ASTN2: variants seen among roughly 807,000 people sequenced by gnomAD.
The protein encoded by ASTN2 is astrotactin-2.
ASTN2 carries 54 observed loss-of-function variants against 139.8 expected under a neutral mutation model. The observed-to-expected ratio is 0.39, with a 90% CI of 0.31 to 0.48. ASTN2 has a LOEUF of 0.48. Among genes scored for constraint, ASTN2 ranks in the 20% least tolerant of loss-of-function variants. The pLI is 0.95. For missense variants in ASTN2, 1,565 were observed against 1,725.1 expected, an observed-to-expected ratio of 0.91 and a Z score of 1.64; for synonymous variants, 756 against 719.5, an observed-to-expected ratio of 1.05 and a Z score of -0.81.
At chr9:116,477,624 G>T (rs1849025120) in intron 20 of ASTN2, among the ~76,000 whole-genome samples, 1 of 151,978 alleles carries the variant, frequency 6.6e-6, no homozygotes, top group African/African-American at 2.4e-5. Context: ...AGCGACCCTA[G>T]GGCTGAGCAA....
At chr9:116,939,148 A>C (rs1564350586) in intron 10 of ASTN2, among the ~76,000 whole-genome samples, 2 of 152,198 alleles carry the variant, frequency 1.3e-5, no homozygotes, top group Non-Finnish European at 2.9e-5. Flanking sequence ...ATTTTGGGCC[A>C]GTGATTTAAC....
chr9:116,845,923 C>T (rs1832416099), intron 11 of ASTN2, among the ~76,000 whole-genome samples: 1 of 152,130 alleles, frequency 6.6e-6, no homozygotes, highest in African/African-American at 2.4e-5. Flanking sequence ...TTTATACACC[C>T]TTATTCATAG....
At chr9:117,093,344 G>A (rs1400204866) in intron 5 of ASTN2, among the ~76,000 whole-genome samples, 1 of 152,070 alleles carries the variant, frequency 6.6e-6, no homozygotes. Context: ...TTAATCTTTA[G>A]AACAACTCTC....
intron 16 of ASTN2, among the ~76,000 whole-genome samples, chr9:116,667,933 C>T (rs1858970148): frequency 6.6e-6 from 1 of 150,890 alleles, no homozygotes; most frequent in South Asian, 2.1e-4. Context: ...ACTTGAAGTC[C>T]AAAATTTATC....
intron 19 of ASTN2, among the ~76,000 whole-genome samples, chr9:116,604,238 T>C (rs1466621555): frequency 6.6e-6 from 1 of 152,048 alleles, no homozygotes; most frequent in African/African-American, 2.4e-5. Context: ...TATAAAGAAC[T>C]TTGTGATATA....
intron 4 of ASTN2, among the ~76,000 whole-genome samples, chr9:117,114,930 C>T (rs1829340717): frequency 6.6e-6 from 1 of 152,132 alleles, no homozygotes; most frequent in Non-Finnish European, 1.5e-5. Flanking sequence ...CATTTCCAGC[C>T]ATGTGAGGGG....
intron 16 of ASTN2, among the ~76,000 whole-genome samples, chr9:116,681,077 T>C (rs1859833183): frequency 2.0e-5 from 3 of 152,160 alleles, no homozygotes; most frequent in African/African-American, 7.2e-5. Flanking sequence ...AAAGAGGAAG[T>C]CAAATTGCCC....
At chr9:116,483,183 T>C (rs1045747285) in intron 20 of ASTN2, among the ~76,000 whole-genome samples, 9 of 152,248 alleles carry the variant, frequency 5.9e-5, no homozygotes, top group Non-Finnish European at 1.0e-4. Flanking sequence ...GAGCTGGCCC[T>C]GCTGTCAGAC....
chr9:116,639,752 G>A (rs192947172), intron 17 of ASTN2, among the ~76,000 whole-genome samples: 1 of 152,168 alleles, frequency 6.6e-6, no homozygotes, highest in Admixed American at 6.5e-5. Context: ...AGTCTTACAG[G>A]GCTTCAGATG....
intron 16 of ASTN2, among the ~76,000 whole-genome samples, chr9:116,667,849 C>T (rs540896296): frequency 1.5e-3 from 184 of 120,216 alleles, no homozygotes; most frequent in Middle Eastern, 6.4e-3. Context: ...CACATAGCTT[C>T]CCCTGTCATC....
At chr9:117,216,906 A>G (rs1832341278) in intron 2 of ASTN2, among the ~76,000 whole-genome samples, 1 of 152,178 alleles carries the variant, frequency 6.6e-6, no homozygotes, top group African/African-American at 2.4e-5. Flanking sequence ...CTTTAAGACA[A>G]GACTATGTGA....
chr9:117,198,326 A>G (rs1241114017), intron 3 of ASTN2, among the ~76,000 whole-genome samples: 2 of 152,160 alleles, frequency 1.3e-5, no homozygotes, highest in African/African-American at 4.8e-5. Flanking sequence ...GATGGCTTCC[A>G]GCTTCATCCA....
At chr9:116,563,169 A>G (rs552557378) in intron 19 of ASTN2, among the ~76,000 whole-genome samples, 3 of 152,072 alleles carry the variant, frequency 2.0e-5, no homozygotes, top group African/African-American at 7.2e-5. Flanking sequence ...AGGTCAGGAG[A>G]TAGAGACCAT....
intron 16 of ASTN2, chr9:116,697,836 C>A (rs768228994): frequency 1.9e-6 from 3 of 1,614,074 alleles, no homozygotes. Context: ...AGAAGAGCAG[C>A]TGCGTCCCAA....
At chr9:117,090,785 C>G (rs1172978650) in intron 5 of ASTN2, among the ~76,000 whole-genome samples, 1 of 152,204 alleles carries the variant, frequency 6.6e-6, no homozygotes, top group Non-Finnish European at 1.5e-5. Context: ...GACTCACAGC[C>G]AGGTCTGGCT....
chr9:116,987,982 A>C (rs1477332015), intron 7 of ASTN2, among the ~76,000 whole-genome samples: 1 of 152,252 alleles, frequency 6.6e-6, no homozygotes, highest in Non-Finnish European at 1.5e-5. Context: ...GTGAGATTTC[A>C]TCACACTACT....
intron 4 of ASTN2, among the ~76,000 whole-genome samples, chr9:117,137,461 T>C (rs755939848): frequency 6.6e-6 from 1 of 152,124 alleles, no homozygotes; most frequent in South Asian, 2.1e-4. Flanking sequence ...ATTCAGACCA[T>C]CCTATTTGGG....
At chr9:116,503,048 G>GGGAA (rs916105455) in intron 19 of ASTN2, among the ~76,000 whole-genome samples, 11 of 111,072 alleles carry the variant, frequency 9.9e-5, no homozygotes, top group Admixed American at 5.2e-4. Flanking sequence ...GAAAGAAGAA[G>GGGAA]GGAAGGAAGA....
chr9:117,229,513 C>T (rs976586527), intron 2 of ASTN2, among the ~76,000 whole-genome samples: 3 of 152,162 alleles, frequency 2.0e-5, no homozygotes, highest in Admixed American at 1.3e-4. Context: ...AAGTGGTCAG[C>T]GATAGCGTCC....
Sources: gnomAD v4.1 joint callset for allele counts (sites outside exome capture counted in the v4.1 genomes callset) on GRCh38, gnomAD v4.1.1 for gene constraint, MANE v1.5 for transcripts, NCBI Gene and HGNC (gene_info 2026-07-23, HGNC 2026-07-21) for gene names.